Variants in NLGN1 observed in about 807,000 individuals in gnomAD.
The protein encoded by NLGN1 is neuroligin 1, also known as neuroligin-1.
NLGN1 carries 12 observed loss-of-function variants against 65.5 expected under a neutral mutation model. The ratio of observed to expected loss-of-function variants is 0.18; its 90% CI spans 0.12 to 0.30. The LOEUF is 0.30. Ranked by LOEUF, NLGN1 falls within the 10% of genes least tolerant of loss-of-function variation. The probability of loss-of-function intolerance (pLI) is 1.00; values close to 1 mark genes in which losing one functional copy is unlikely to be tolerated. For missense variants in NLGN1, 750 were observed against 1,007.1 expected, an observed-to-expected ratio of 0.74 and a Z score of 3.46; for synonymous variants, 350 against 359.5, an observed-to-expected ratio of 0.97 and a Z score of 0.30.
chr3:174,273,111 A>G (rs1561446657), intron 4 of NLGN1, among the ~76,000 whole-genome samples: 1 of 151,564 alleles, frequency 6.6e-6, no homozygotes, highest in Non-Finnish European at 1.5e-5. Context: ...ATGTAGAAAT[A>G]ATTGTCTGAT....
chr3:173,474,319 G>A (rs1416030943), intron 2 of NLGN1, among the ~76,000 whole-genome samples: 2 of 152,072 alleles, frequency 1.3e-5, no homozygotes, highest in Non-Finnish European at 2.9e-5. Context: ...AAAGTAAACC[G>A]GAATTAACAA....
chr3:173,643,005 T>C (rs1005563505), intron 3 of NLGN1, among the ~76,000 whole-genome samples: 10 of 152,134 alleles, frequency 6.6e-5, no homozygotes, highest in Non-Finnish European at 1.3e-4. Flanking sequence ...GAAGCTACCT[T>C]CTAAACATGA....
intron 1 of NLGN1, among the ~76,000 whole-genome samples, chr3:173,433,664 G>A (rs559534202): frequency 1.3e-5 from 2 of 152,064 alleles, no homozygotes; most frequent in South Asian, 4.1e-4. Flanking sequence ...ACATAGATAA[G>A]TTTTTATTTG....
At chr3:174,201,378 AGAAG>A (rs1491215519) in intron 4 of NLGN1, among the ~76,000 whole-genome samples, 1 of 84,164 alleles carries the variant, frequency 1.2e-5, no homozygotes, top group South Asian at 3.8e-4. Context: ...AAGGAAGGAA[AGAAG>A]GAAGGAAGGA....
chr3:174,161,307 CA>C (rs1215086134), intron 4 of NLGN1, among the ~76,000 whole-genome samples: 1 of 151,734 alleles, frequency 6.6e-6, no homozygotes, highest in East Asian at 1.9e-4. Flanking sequence ...AGAGCTACAA[CA>C]TCTCCCAAAG....
chr3:173,934,650 C>T (rs1187991509), intron 4 of NLGN1, among the ~76,000 whole-genome samples: 2 of 151,930 alleles, frequency 1.3e-5, no homozygotes, highest in Non-Finnish European at 2.9e-5. Flanking sequence ...CCCTGAAAAA[C>T]CGTATTCTGT....
At chr3:173,677,793 G>GAA (rs2149769306) in intron 3 of NLGN1, among the ~76,000 whole-genome samples, 1 of 152,116 alleles carries the variant, frequency 6.6e-6, no homozygotes, top group African/African-American at 2.4e-5. Flanking sequence ...AATCCTTCCT[G>GAA]AATTCTGTAT....
At chr3:173,662,733 A>G (rs985514158) in intron 3 of NLGN1, among the ~76,000 whole-genome samples, 2 of 151,998 alleles carry the variant, frequency 1.3e-5, no homozygotes, top group African/African-American at 4.8e-5. Context: ...TTCTCAAAAT[A>G]AGACATTTTT....
At chr3:174,148,075 G>T (rs1416524602) in intron 4 of NLGN1, among the ~76,000 whole-genome samples, 1 of 152,140 alleles carries the variant, frequency 6.6e-6, no homozygotes, top group East Asian at 1.9e-4. Context: ...TGGCATAACA[G>T]TTTCAAGCTA....
intron 4 of NLGN1, among the ~76,000 whole-genome samples, chr3:174,242,274 T>C (rs1743027407): frequency 6.6e-6 from 1 of 151,960 alleles, no homozygotes; most frequent in Non-Finnish European, 1.5e-5. Context: ...TGCCAGTCCA[T>C]GGCCTGTTAA....
chr3:173,947,813 T>C (rs1464260501), intron 4 of NLGN1, among the ~76,000 whole-genome samples: 10 of 152,316 alleles, frequency 6.6e-5, no homozygotes, highest in African/African-American at 2.4e-4. Context: ...TTCATACTAA[T>C]AGCCATACTT....
intron 4 of NLGN1, among the ~76,000 whole-genome samples, chr3:173,861,584 A>G (rs1729116410): frequency 6.6e-6 from 1 of 150,836 alleles, no homozygotes; most frequent in African/African-American, 2.4e-5. Context: ...ATATATACAC[A>G]CACATATATG....
chr3:173,400,250 A>ATAT (rs1036765731), intron 1 of NLGN1, among the ~76,000 whole-genome samples: 1 of 152,032 alleles, frequency 6.6e-6, no homozygotes, highest in Non-Finnish European at 1.5e-5. Flanking sequence ...TCTAGACTTA[A>ATAT]TATTATTATT....
rs189857295 is a variant in NLGN1 at position 173,823,253 on chromosome 3, G to A, written c.646+15421G>A. Among the ~76,000 whole-genome samples, 266 of 151,988 alleles carry A rather than the reference G, an allele frequency of 1.8e-3. 1 individual carries two copies. Among genetic ancestry groups the A allele is most frequent in the Middle Eastern group, 0.017 (5 of 294 alleles). ...CTCTATCCACCACCTACTACTTTTG[G>A]ATCGGTGCTGTCTAACAGAAATATA... is the stretch of plus-strand genomic sequence containing the variant. On this transcript the variant is annotated intron_variant, in intron 4 of 6. Coordinates refer to ENST00000457714, the Ensembl canonical transcript of NLGN1.
At chr3:173,948,735 T>C (rs562830951) in intron 4 of NLGN1, among the ~76,000 whole-genome samples, 2 of 152,290 alleles carry the variant, frequency 1.3e-5, no homozygotes, top group East Asian at 3.9e-4. Flanking sequence ...GTTCTGAAAC[T>C]CCAGTACCTG....
chr3:173,963,743 G>A (rs915772150), intron 4 of NLGN1, among the ~76,000 whole-genome samples: 1 of 152,180 alleles, frequency 6.6e-6, no homozygotes, highest in African/African-American at 2.4e-5. Flanking sequence ...GAATTATGTT[G>A]TCAAGCAATA....
At chr3:173,932,216 T>A (rs1744223742) in intron 4 of NLGN1, among the ~76,000 whole-genome samples, 1 of 152,170 alleles carries the variant, frequency 6.6e-6, no homozygotes, top group Non-Finnish European at 1.5e-5. Flanking sequence ...TAATCAGTTG[T>A]CCTGTTTCCA....
chr3:173,435,969 C>G (rs1410906616), intron 2 of NLGN1, among the ~76,000 whole-genome samples: 1 of 152,122 alleles, frequency 6.6e-6, no homozygotes, highest in Non-Finnish European at 1.5e-5. Flanking sequence ...CAGAAAGAAC[C>G]ACTGATATCA....
At chr3:173,756,678 A>G (rs2150184834) in intron 3 of NLGN1, among the ~76,000 whole-genome samples, 1 of 151,884 alleles carries the variant, frequency 6.6e-6, no homozygotes, top group African/African-American at 2.4e-5. Flanking sequence ...GGCTGATTAC[A>G]GATCTGTGTC....
Sources: gnomAD v4.1 joint callset for allele counts (sites outside exome capture counted in the v4.1 genomes callset) on GRCh38, gnomAD v4.1.1 for gene constraint, MANE v1.5 for transcripts, NCBI Gene and HGNC (gene_info 2026-07-23, HGNC 2026-07-21) for gene names.